CACNA1D: variants seen among roughly 807,000 people sequenced by gnomAD.
CACNA1D encodes the protein voltage-dependent L-type calcium channel subunit alpha-1D.
CACNA1D carries 55 observed loss-of-function variants against 257.1 expected under a neutral mutation model. The ratio of observed to expected loss-of-function variants is 0.21; its 90% confidence interval spans 0.17 to 0.27. The LOEUF (loss-of-function observed/expected upper bound fraction) is 0.27. Ranked by LOEUF, CACNA1D falls within the 10% of genes least tolerant of loss-of-function variation. The pLI, the probability that CACNA1D is intolerant of heterozygous loss-of-function variation, is 1.00. For synonymous variants in CACNA1D, 980 were observed against 1,014.9 expected, an observed-to-expected ratio of 0.97 and a Z score of 0.65; for missense variants, 1,876 against 2,784.0, an observed-to-expected ratio of 0.67 and a Z score of 7.34.
Position 53,719,794 on chromosome 3 carries a change from T to C in CACNA1D, c.1505+13T>C, listed in dbSNP as rs2108691882. ...AATCCAAACTCAGGTCAGTATCTTC[T>C]TTCTGTTTCTTCGTCAGCCTGTGTG... On this transcript the variant is annotated intron_variant, in intron 11 of 47. Transcript: ENST00000350061. 6.2e-7 allele frequency: 1 copy of C among 1,611,772 alleles called. No homozygotes were observed. Among genetic ancestry groups the C allele is most frequent in the Non-Finnish European group, 8.5e-7 (1 of 1,177,772 alleles).
At chr3:53,715,347 A>T (rs751352632) in intron 9 of CACNA1D, among the ~76,000 whole-genome samples, 1 of 152,140 alleles carries the variant, frequency 6.6e-6, no homozygotes, top group African/African-American at 2.4e-5. Context: ...AGAAGTTGCT[A>T]TGCCTACAGT....
At chr3:53,602,697 T>C (rs1018825504) in intron 3 of CACNA1D, among the ~76,000 whole-genome samples, 1 of 152,258 alleles carries the variant, frequency 6.6e-6, no homozygotes, top group Non-Finnish European at 1.5e-5. Context: ...ATTTCTCTGA[T>C]GATTAGTGAT....
chr3:53,808,190 GGATCAC>G lies in CACNA1D; in HGVS notation c.5750-456_5750-451del, dbSNP rs560709670. The G allele has an allele frequency of 2.3e-3, 443 of 189,636 alleles. 2 individuals are homozygous for G. Among genetic ancestry groups the G allele is most frequent in the African/African-American group, 8.7e-3 (369 of 42,194 alleles). 11.7% of individuals were successfully genotyped at this position (189,636 alleles called of 1,614,324 possible). A position where few individuals can be genotyped will look rare whatever the true frequency, so the allele number is the denominator to read the frequency against. On this transcript the variant is annotated intron_variant, in intron 45 of 47. Coordinates refer to ENST00000350061, the MANE Select transcript of CACNA1D (RefSeq NM_001128840.3). ...TTCTCTTTGGGAGGCTGAGGCGGGT[GGATCAC>G]GAGGTCAGGAGATCGAGACCATCCT...
At chr3:53,797,070 G>GA (rs751628470) in intron 40 of CACNA1D, among the ~76,000 whole-genome samples, 21 of 151,934 alleles carry the variant, frequency 1.4e-4, no homozygotes, top group African/African-American at 3.9e-4. Flanking sequence ...TTTATCCCAA[G>GA]AAAAAAAATG....
chr3:53,735,772 C>G (rs963368045), intron 20 of CACNA1D, among the ~76,000 whole-genome samples: 2 of 152,262 alleles, frequency 1.3e-5, no homozygotes, highest in Non-Finnish European at 2.9e-5. Context: ...TTCTCCGCCT[C>G]TTTGCTCCCT....
At position 53,673,024 on chromosome 3, in the gene CACNA1D, T is replaced by A; in HGVS notation, c.1118T>A (p.Met373Lys). Residue 373 changes from methionine to lysine, a missense_variant and splice_region_variant, in exon 8 of 48, where the codon ATG becomes AAG. Met to Lys is a moderately conservative substitution (Grantham distance 95). This residue lies in a region of CACNA1D where 188 missense variants were observed against 390.4 expected (regional missense o/e 0.48). Coordinates refer to ENST00000350061, the MANE Select transcript of CACNA1D (RefSeq NM_001128840.3). This position sits in a 1 kb window ranked among gnomAD's most constrained non-coding sequence, Gnocchi z 4.1. ...MEGWTDVLYW[M>K]NDAMGFELPW... ...ATGAGACCATCTTATTTCTTGCAGA[T>A]GAATGATGCTATGGGATTTGAATTG... The A allele has an allele frequency of 6.5e-7, 1 of 1,549,746 alleles. No individual in the cohort carries two copies. Among genetic ancestry groups the A allele is most frequent in the Non-Finnish European group, 8.7e-7 (1 of 1,145,050 alleles).
intron 3 of CACNA1D, among the ~76,000 whole-genome samples, chr3:53,572,183 A>G (rs1395457766): frequency 6.6e-6 from 1 of 152,112 alleles, no homozygotes; most frequent in Non-Finnish European, 1.5e-5. Context: ...CCATGTGCAA[A>G]ATGGAATCCA....
chr3:53,664,987 A>G (rs1273928654), intron 5 of CACNA1D, among the ~76,000 whole-genome samples: 1 of 152,154 alleles, frequency 6.6e-6, no homozygotes, highest in Non-Finnish European at 1.5e-5. Flanking sequence ...CAGGCTCTAG[A>G]TGTCCCAGTA....
intron 27 of CACNA1D, among the ~76,000 whole-genome samples, chr3:53,750,072 G>A (rs1382490089): frequency 6.6e-6 from 1 of 152,236 alleles, no homozygotes; most frequent in African/African-American, 2.4e-5. Context: ...GGAATACCCT[G>A]CATCACCCCA....
intron 7 of CACNA1D, among the ~76,000 whole-genome samples, chr3:53,668,447 C>A (rs2094290843): frequency 6.6e-6 from 1 of 152,142 alleles, no homozygotes; most frequent in Non-Finnish European, 1.5e-5. Context: ...ATTAATATGA[C>A]AATCACGTGG....
In CACNA1D at chr3:53,641,071, G is replaced by A. The variant is rs575190156; in HGVS notation, c.484-9708G>A. Among the ~76,000 whole-genome samples, 7 of 152,316 alleles carry A rather than the reference G, an allele frequency of 4.6e-5. No individual in the cohort carries two copies. In the East Asian group the frequency reaches 1.3e-3, roughly 29 times the overall value. Reference sequence around the variant, plus strand: ...ACGTGAAGACCGTACCTTCCAGTGAGTATGCAGATATGTGGGAGGCTGTGG... The same window carrying A: ...ACGTGAAGACCGTACCTTCCAGTGAATATGCAGATATGTGGGAGGCTGTGG... On this transcript the variant is annotated intron_variant, in intron 3 of 47. Coordinates refer to ENST00000350061, the MANE Select transcript of CACNA1D (RefSeq NM_001128840.3).
intron 3 of CACNA1D, among the ~76,000 whole-genome samples, chr3:53,502,938 C>G (rs2090667366): frequency 6.6e-6 from 1 of 152,128 alleles, no homozygotes; most frequent in Non-Finnish European, 1.5e-5. Flanking sequence ...TGTTGAAGCT[C>G]TATTTTAGCA....
chr3:53,669,487 C>G (rs1050048814), intron 7 of CACNA1D, among the ~76,000 whole-genome samples: 8 of 152,254 alleles, frequency 5.3e-5, no homozygotes, highest in Non-Finnish European at 8.8e-5. Context: ...AAGCACATTT[C>G]TGAATCCTTT....
chr3:53,497,291 G>A lies in CACNA1D; in HGVS notation c.207G>A (p.Met69Ile). 1 of 1,614,064 alleles carries A rather than the reference G, an allele frequency of 6.2e-7. No individual in the cohort carries two copies. Among genetic ancestry groups the A allele is most frequent in the Admixed American group, 1.7e-5 (1 of 60,000 alleles). Reference sequence around the variant, plus strand: ...GACAGGCCAAGGCTGCCCAAACTATGAGCACCTCTGCACCCCCACCTGTAG... The same window carrying A: ...GACAGGCCAAGGCTGCCCAAACTATAAGCACCTCTGCACCCCCACCTGTAG... ...AARQAKAAQTMSTSAPPPVGS... is the reference protein window; with the variant it reads ...AARQAKAAQTISTSAPPPVGS... The change falls in exon 2 of 48, where the codon ATG (methionine) becomes ATA (isoleucine). Residue 69 changes from methionine to isoleucine, a missense_variant. Physicochemically the swap from Met to Ile is conservative, Grantham distance 10. This residue lies in a region of CACNA1D where 143 missense variants were observed against 168.7 expected (regional missense o/e 0.85). Coordinates refer to ENST00000350061, the MANE Select transcript of CACNA1D (RefSeq NM_001128840.3).
intron 3 of CACNA1D, among the ~76,000 whole-genome samples, chr3:53,514,361 C>A (rs1291565327): frequency 6.6e-6 from 1 of 150,894 alleles, no homozygotes; most frequent in African/African-American, 2.4e-5. Context: ...CATGGGGGAG[C>A]TGACGGCAGA....
Position 53,556,120 on chromosome 3 carries a change from G to A in CACNA1D, c.483+54400G>A, listed in dbSNP as rs753830581. 5.3e-5 allele frequency among the ~76,000 whole-genome samples: 8 copies of A among 152,114 alleles called. No individual in the cohort carries two copies. In the East Asian group the frequency reaches 1.2e-3, roughly 22 times the overall value. ...CCATGTTTAGGAGTGTGGAGAAATC[G>A]TTCTTTTTTATTGCTGAGTAATATT... On this transcript the variant is annotated intron_variant, in intron 3 of 47. Transcript: ENST00000350061.
chr3:53,576,630 T>G (rs990102101), intron 3 of CACNA1D, among the ~76,000 whole-genome samples: 2 of 152,212 alleles, frequency 1.3e-5, no homozygotes, highest in Non-Finnish European at 2.9e-5. Context: ...TAAATATGTG[T>G]AACTCCCCTT....
chr3:53,754,090 A>G (rs1057197809), intron 29 of CACNA1D, among the ~76,000 whole-genome samples: 4 of 152,242 alleles, frequency 2.6e-5, no homozygotes, highest in African/African-American at 9.6e-5. Flanking sequence ...TATCTAGTCT[A>G]AAGACTTTGT....
At chr3:53,588,736 T>C (rs546473081) in intron 3 of CACNA1D, among the ~76,000 whole-genome samples, 2 of 152,330 alleles carry the variant, frequency 1.3e-5, no homozygotes, top group African/African-American at 4.8e-5. Flanking sequence ...TTTAACCAGA[T>C]ACTTTCTAAC....
Sources: gnomAD v4.1 joint callset for allele counts (sites outside exome capture counted in the v4.1 genomes callset) on GRCh38, gnomAD v4.1.1 for gene constraint, gnomAD v4.1.1 regional missense constraint, Gnocchi (gnomAD v3.1) non-coding constraint, MANE v1.5 for transcripts, NCBI Gene and HGNC (gene_info 2026-07-23, HGNC 2026-07-21) for gene names.